The following STXBP5L variants were observed in gnomAD, a reference collection of about 807,000 sequenced individuals.
STXBP5L encodes syntaxin-binding protein 5-like.
STXBP5L carries 65 observed loss-of-function variants against 144.5 expected under a neutral mutation model. The ratio of observed to expected loss-of-function variants is 0.45; its 90% CI spans 0.37 to 0.55. The LOEUF is 0.55. STXBP5L is among the 20% of genes least tolerant of loss of function. The pLI, the probability that STXBP5L is intolerant of heterozygous loss-of-function variation, is 0.00. For missense variants in STXBP5L, 1,298 were observed against 1,405.5 expected, an observed-to-expected ratio of 0.92 and a Z score of 1.22; for synonymous variants, 505 against 469.6, an observed-to-expected ratio of 1.08 and a Z score of -0.97.
At chr3:120,998,849 T>G (rs1013345492) in intron 3 of STXBP5L, among the ~76,000 whole-genome samples, 7 of 152,132 alleles carry the variant, frequency 4.6e-5, no homozygotes, top group Non-Finnish European at 8.8e-5. Flanking sequence ...TACAAAATAT[T>G]GCTGAATGAA....
intron 10 of STXBP5L, among the ~76,000 whole-genome samples, chr3:121,210,383 C>T (rs1470658199): frequency 6.6e-6 from 1 of 151,906 alleles, no homozygotes; most frequent in African/African-American, 2.4e-5. Flanking sequence ...TGTAGGTTGC[C>T]TGTTCACTCT....
intron 19 of STXBP5L, among the ~76,000 whole-genome samples, chr3:121,308,632 G>A (rs1369473231): frequency 6.6e-6 from 1 of 152,126 alleles, no homozygotes; most frequent in East Asian, 1.9e-4. Context: ...GTGGGTGGGA[G>A]CAAAGTTCTG....
At chr3:120,936,849 T>A (rs1017919989) in intron 2 of STXBP5L, among the ~76,000 whole-genome samples, 8 of 151,992 alleles carry the variant, frequency 5.3e-5, no homozygotes, top group African/African-American at 1.9e-4. Context: ...CCACATGCAG[T>A]TTTTAAAAGT....
intron 20 of STXBP5L, among the ~76,000 whole-genome samples, chr3:121,369,012 G>C (rs866782121): frequency 4.6e-5 from 7 of 152,142 alleles, no homozygotes; most frequent in Admixed American, 2.0e-4. Context: ...AGTCATCAAT[G>C]ATCAGGACAC....
At chr3:120,995,276 T>A (rs1416690459) in intron 3 of STXBP5L, among the ~76,000 whole-genome samples, 3 of 152,128 alleles carry the variant, frequency 2.0e-5, no homozygotes. Flanking sequence ...GCCTCCCCAG[T>A]AGCTGGGATC....
intron 24 of STXBP5L, among the ~76,000 whole-genome samples, chr3:121,415,193 A>C (rs1159398990): frequency 6.6e-6 from 1 of 152,160 alleles, no homozygotes; most frequent in Non-Finnish European, 1.5e-5. Flanking sequence ...CTGCTTTAGA[A>C]AAAGCTGGGG....
intron 9 of STXBP5L, among the ~76,000 whole-genome samples, chr3:121,187,211 C>T (rs1432996134): frequency 1.3e-5 from 2 of 152,122 alleles, no homozygotes; most frequent in East Asian, 1.9e-4. Context: ...CCATGGAATA[C>T]TATGCAGCCA....
At chr3:121,010,838 G>T (rs1030290851) in intron 3 of STXBP5L, among the ~76,000 whole-genome samples, 1 of 151,648 alleles carries the variant, frequency 6.6e-6, no homozygotes, top group African/African-American at 2.4e-5. Flanking sequence ...CTTCATCCTT[G>T]TTATCTTTAC....
rs191848162 is a variant in STXBP5L at position 121,207,944 on chromosome 3, T to A, written c.956+1943T>A. On this transcript the variant is annotated intron_variant, in intron 10 of 26. Transcript: ENST00000471454. ...GTGTGGCGATTCCTCAGGGATCTAGTACTAGAAATACCATTTGACCCAGCC... is the reference window on the plus strand; with the variant it reads ...GTGTGGCGATTCCTCAGGGATCTAGAACTAGAAATACCATTTGACCCAGCC... 2.0e-3 allele frequency among the ~76,000 whole-genome samples: 304 copies of A among 152,164 alleles called. 3 individuals carry two copies. The East Asian group carries it at 0.022, about 11-fold the overall frequency.
In STXBP5L at chr3:121,421,888, G is replaced by A. The variant is rs551747700; in HGVS notation, c.*2791G>A. 6 of 152,254 alleles carry A rather than the reference G, an allele frequency of 3.9e-5. No individual in the cohort carries two copies. Among genetic ancestry groups the A allele is most frequent in the East Asian group, 3.9e-4 (2 of 5,182 alleles). 9.4% of individuals were successfully genotyped at this position (152,254 alleles called of 1,614,324 possible). On this transcript the variant is annotated 3_prime_UTR_variant, in exon 27 of 27. Transcript: ENST00000471454. ...AAAGGCTCTTTGAAGTAGTTAAAACGTGTCTTTCAAAATTGCTTTTATAAG... is the reference window on the plus strand; with the variant it reads ...AAAGGCTCTTTGAAGTAGTTAAAACATGTCTTTCAAAATTGCTTTTATAAG...
At chr3:121,278,828 T>C (rs913264202) in intron 18 of STXBP5L, among the ~76,000 whole-genome samples, 8 of 151,578 alleles carry the variant, frequency 5.3e-5, no homozygotes, top group Non-Finnish European at 7.4e-5. Context: ...TAACAATACT[T>C]TTTTTCAGTT....
At chr3:121,360,983 T>C (rs1306017803) in intron 20 of STXBP5L, among the ~76,000 whole-genome samples, 1 of 152,186 alleles carries the variant, frequency 6.6e-6, no homozygotes, top group Non-Finnish European at 1.5e-5. Context: ...GATCTGGTAT[T>C]GATGAACTCC....
chr3:121,089,434 C>A (rs1419005754), intron 5 of STXBP5L, among the ~76,000 whole-genome samples: 2 of 151,644 alleles, frequency 1.3e-5, no homozygotes, highest in Non-Finnish European at 2.9e-5. Flanking sequence ...TCTACTTCCT[C>A]CTGGTCTCTG....
chr3:121,104,639 A>T (rs1559750722), intron 5 of STXBP5L, among the ~76,000 whole-genome samples: 1 of 152,176 alleles, frequency 6.6e-6, no homozygotes, highest in African/African-American at 2.4e-5. Flanking sequence ...CAAAAACATA[A>T]AGTGGGAAAG....
At chr3:121,384,137 C>T (rs1018290755) in intron 22 of STXBP5L, among the ~76,000 whole-genome samples, 1 of 152,018 alleles carries the variant, frequency 6.6e-6, no homozygotes, top group Non-Finnish European at 1.5e-5. Context: ...CCCATACCAC[C>T]GAAATAAGCA....
chr3:121,402,469 C>A (rs2046902920), intron 22 of STXBP5L, among the ~76,000 whole-genome samples: 1 of 152,048 alleles, frequency 6.6e-6, no homozygotes, highest in Non-Finnish European at 1.5e-5. Flanking sequence ...CTTCATGTTC[C>A]CCCTTTCTAA....
intron 2 of STXBP5L, among the ~76,000 whole-genome samples, chr3:120,949,581 G>A (rs373166906): frequency 6.6e-6 from 1 of 151,866 alleles, no homozygotes; most frequent in Admixed American, 6.6e-5. Context: ...CCACCTTGAG[G>A]TGATTTTTGT....
intron 3 of STXBP5L, among the ~76,000 whole-genome samples, chr3:120,979,783 G>T (rs1370136684): frequency 2.0e-5 from 3 of 152,158 alleles, no homozygotes; most frequent in East Asian, 1.9e-4. Context: ...GCTACCTTTG[G>T]CTTTGTTCTT....
intron 20 of STXBP5L, among the ~76,000 whole-genome samples, chr3:121,362,209 C>A (rs2045731782): frequency 6.6e-6 from 1 of 152,226 alleles, no homozygotes; most frequent in African/African-American, 2.4e-5. Context: ...GTGGCCACCA[C>A]TACTATTATT....
Sources: allele counts gnomAD v4.1 joint callset (sites outside exome capture counted in the v4.1 genomes callset), GRCh38; gene constraint gnomAD v4.1.1; transcripts MANE v1.5; gene names NCBI Gene and HGNC (gene_info 2026-07-23, HGNC 2026-07-21).